PTCHD4: variants seen among roughly 807,000 people sequenced by gnomAD.
PTCHD4 encodes patched domain-containing protein 4.
PTCHD4 carries 33 observed loss-of-function variants against 58.1 expected under a neutral mutation model. The ratio of observed to expected loss-of-function variants is 0.57; its 90% CI spans 0.43 to 0.76. The LOEUF (loss-of-function observed/expected upper bound fraction) is 0.76. Ranked by LOEUF, PTCHD4 falls within the 30% of genes least tolerant of loss-of-function variation. The pLI is 0.00. For missense variants in PTCHD4, 1,058 were observed against 1,027.1 expected, an observed-to-expected ratio of 1.03 and a Z score of -0.41; for synonymous variants, 478 against 409.6, an observed-to-expected ratio of 1.17 and a Z score of -2.02.
At chr6:47,918,235 A>AAGG (rs10624938) in intron 4 of PTCHD4, among the ~76,000 whole-genome samples, 96,424 of 151,626 alleles carry the variant, frequency 0.64, 31,270 homozygotes, top group East Asian at 0.78. Flanking sequence ...CTGTATTTCT[A>AAGG]AGAACAAGAA....
At chr6:47,905,042 A>G (rs986618145) in intron 4 of PTCHD4, among the ~76,000 whole-genome samples, 2 of 26,168 alleles carry the variant, frequency 7.6e-5, no homozygotes, top group African/African-American at 2.2e-4. Context: ...AAATACAGCC[A>G]TCACACACAC....
In PTCHD4 at chr6:47,858,933, T is replaced by A. The variant is rs1381794181; in HGVS notation, c.*19370A>T. 6.6e-6 allele frequency among the ~76,000 whole-genome samples: 1 copy of A among 152,054 alleles called. No individual in the cohort carries two copies. Among genetic ancestry groups the A allele is most frequent in the Admixed American group, 6.6e-5 (1 of 15,248 alleles). On this transcript the variant is annotated 3_prime_UTR_variant, in exon 5 of 5. Transcript: ENST00000339488. ...CCATTAGAGAACCAGTTAATGATCTTACAGAACCTATGATTTAATTACAAG... is the reference window on the plus strand; with the variant it reads ...CCATTAGAGAACCAGTTAATGATCTAACAGAACCTATGATTTAATTACAAG...
In PTCHD4 at chr6:48,045,778, CT is replaced by C. The variant is rs560197065; in HGVS notation, c.417+22451del. ...GTCTGATTCCAGAGATTTTTTTTTTCTTTTTTTTTTTTCCCACTCAGCTCTG... is the reference window on the plus strand; with the variant it reads ...GTCTGATTCCAGAGATTTTTTTTTTCTTTTTTTTTTTCCCACTCAGCTCTG... On this transcript the variant is annotated intron_variant, in intron 3 of 4. Transcript: ENST00000339488. Among the ~76,000 whole-genome samples, 160 of 140,902 alleles carry C rather than the reference CT, an allele frequency of 1.1e-3. 1 individual carries two copies. In the Middle Eastern group the frequency reaches 0.014, roughly 13 times the overall value. 92.4% of individuals were successfully genotyped at this position (140,902 alleles called of 152,430 possible). A position where few individuals can be genotyped will look rare whatever the true frequency, so the allele number is the denominator to read the frequency against.
intron 4 of PTCHD4, among the ~76,000 whole-genome samples, chr6:47,980,851 ATATT>A (rs1767860290): frequency 6.6e-6 from 1 of 151,888 alleles, no homozygotes; most frequent in Non-Finnish European, 1.5e-5. Flanking sequence ...AAATATATAT[ATATT>A]TAACATTTTA....
At chr6:48,094,559 G>A (rs1481981618) in intron 1 of PTCHD4, among the ~76,000 whole-genome samples, 2 of 152,170 alleles carry the variant, frequency 1.3e-5, no homozygotes, top group Non-Finnish European at 2.9e-5. Flanking sequence ...ATATGGATTT[G>A]ACCGAGTCAA....
At chr6:48,103,025 G>T (rs1377178544) in intron 1 of PTCHD4, among the ~76,000 whole-genome samples, 1 of 152,218 alleles carries the variant, frequency 6.6e-6, no homozygotes, top group African/African-American at 2.4e-5. Context: ...CCACCTCTGG[G>T]GGCAGGGCAC....
intron 3 of PTCHD4, among the ~76,000 whole-genome samples, chr6:48,033,152 C>G (rs1047468300): frequency 1.3e-5 from 2 of 152,114 alleles, no homozygotes; most frequent in Non-Finnish European, 2.9e-5. Context: ...ATAGCCACTA[C>G]AGTAAATCAT....
intron 4 of PTCHD4, among the ~76,000 whole-genome samples, chr6:47,923,880 C>T (rs1765509308): frequency 2.0e-5 from 3 of 152,122 alleles, no homozygotes; most frequent in African/African-American, 7.2e-5. Context: ...CTTCTTGTCC[C>T]AGCTGGGGGC....
intron 4 of PTCHD4, among the ~76,000 whole-genome samples, chr6:47,922,129 C>T (rs1257679305): frequency 6.6e-6 from 1 of 151,656 alleles, no homozygotes; most frequent in Non-Finnish European, 1.5e-5. Flanking sequence ...AGAGTAAGAC[C>T]CTGTCTTAAA....
At chr6:47,937,678 T>C (rs573329278) in intron 4 of PTCHD4, among the ~76,000 whole-genome samples, 163 of 152,242 alleles carry the variant, frequency 1.1e-3, no homozygotes, top group African/African-American at 3.9e-3. Context: ...TGGTATTTAA[T>C]GCCAGGGGAC....
chr6:47,901,103 G>C (rs1488088641), intron 4 of PTCHD4: 2 of 149,922 alleles, frequency 1.3e-5, no homozygotes, highest in Admixed American at 6.6e-5. Context: ...GCAGTGAGCC[G>C]AGATTGCGCC....
rs993103017 is a variant in PTCHD4, at chr6:47,891,413, G to A, written c.899-11477C>T. Among the ~76,000 whole-genome samples the A allele has an allele frequency of 4.0e-5, 6 of 151,286 alleles. No individual in the cohort carries two copies. In the East Asian group the frequency reaches 1.2e-3, roughly 29 times the overall value. ...CCATTCTGTGACCGGCATGAACCGA[G>A]ACAAAACGAGACCCCTCCATAATCA... On this transcript the variant is annotated intron_variant, in intron 4 of 4. Transcript: ENST00000339488.
At chr6:47,958,244 T>C (rs570643536) in intron 4 of PTCHD4, among the ~76,000 whole-genome samples, 29 of 152,292 alleles carry the variant, frequency 1.9e-4, no homozygotes, top group African/African-American at 4.6e-4. Flanking sequence ...TCCAGTGACC[T>C]GGACTTCTAC....
intron 1 of PTCHD4, among the ~76,000 whole-genome samples, chr6:48,095,265 A>G (rs189830685): frequency 6.6e-6 from 1 of 152,362 alleles, no homozygotes; most frequent in East Asian, 1.9e-4. Context: ...ATTTACACTA[A>G]AAATGTATAG....
chr6:47,931,161 C>T (rs1365488661), intron 4 of PTCHD4, among the ~76,000 whole-genome samples: 4 of 152,224 alleles, frequency 2.6e-5, no homozygotes, highest in South Asian at 2.1e-4. Context: ...CCACCCAAAG[C>T]GTTCCTGAAT....
chr6:48,060,256 A>G (rs1180122881), intron 3 of PTCHD4, among the ~76,000 whole-genome samples: 1 of 152,192 alleles, frequency 6.6e-6, no homozygotes, highest in Non-Finnish European at 1.5e-5. Flanking sequence ...TCAGAACTGA[A>G]CATGCTCACT....
chr6:47,964,323 AT>A (rs111950870), intron 4 of PTCHD4, among the ~76,000 whole-genome samples: 6 of 151,512 alleles, frequency 4.0e-5, no homozygotes, highest in South Asian at 2.1e-4. Flanking sequence ...TTATTACCAC[AT>A]TTTTTTTTAA....
At chr6:47,935,843 A>G (rs1239215750) in intron 4 of PTCHD4, among the ~76,000 whole-genome samples, 2 of 152,338 alleles carry the variant, frequency 1.3e-5, no homozygotes, top group East Asian at 1.9e-4. Context: ...TTAGGTGATA[A>G]CAAGTAGTAT....
chr6:47,898,297 C>G (rs185413165), intron 4 of PTCHD4, among the ~76,000 whole-genome samples: 14 of 152,274 alleles, frequency 9.2e-5, no homozygotes, highest in African/African-American at 2.6e-4. Context: ...GCATTTTAAA[C>G]TATCATAATC....
Sources: gnomAD v4.1 joint callset for allele counts (sites outside exome capture counted in the v4.1 genomes callset) on GRCh38, gnomAD v4.1.1 for gene constraint, MANE v1.5 for transcripts, NCBI Gene and HGNC (gene_info 2026-07-23, HGNC 2026-07-21) for gene names.